NFATC2: variants seen among roughly 807,000 people sequenced by gnomAD.
NFATC2 encodes the protein nuclear factor of activated T-cells, cytoplasmic 2.
A neutral mutation model predicts 87.3 loss-of-function variants in NFATC2; 22 were observed. That is an observed-to-expected ratio of 0.25 (90% CI 0.18 to 0.36). NFATC2 has a LOEUF of 0.36. Ranked by LOEUF, NFATC2 falls within the 10% of genes least tolerant of loss-of-function variation. The probability of loss-of-function intolerance (pLI) is 1.00; values close to 1 mark genes in which losing one functional copy is unlikely to be tolerated. For synonymous variants in NFATC2, 565 were observed against 542.2 expected (o/e 1.04, Z -0.58); for missense variants, 1,149 against 1,259.1 (o/e 0.91, Z 1.32).
rs1218648681 is a variant in NFATC2, at chr20:51,499,174, G to A, written c.1332+17610C>T. ...TCAGAATGGGGGTGGTGTAGACCAA[G>A]GTACACTCTGAACAGATCCTCTGGC... On this transcript the variant is annotated intron_variant, in intron 3 of 10. Transcript: ENST00000371564. Among the ~76,000 whole-genome samples, 3 of 152,170 alleles carry A rather than the reference G, an allele frequency of 2.0e-5. 1 individual carries two copies. The highest frequency in any genetic ancestry group is 4.1e-4 in the South Asian group (2 of 4,830).
chr20:51,431,215 A>G (rs1982654891), intron 9 of NFATC2, among the ~76,000 whole-genome samples: 1 of 152,064 alleles, frequency 6.6e-6, no homozygotes, highest in Non-Finnish European at 1.5e-5. Context: ...CCAACAGCCT[A>G]TTTTTCTGTC....
At chr20:51,498,116 C>G (rs981913562) in intron 3 of NFATC2, among the ~76,000 whole-genome samples, 1 of 152,158 alleles carries the variant, frequency 6.6e-6, no homozygotes, top group Non-Finnish European at 1.5e-5. Context: ...GGCCGGGAAG[C>G]TTGGGCATGT....
At chr20:51,397,131 C>T (rs913827270) in intron 10 of NFATC2, among the ~76,000 whole-genome samples, 4 of 152,146 alleles carry the variant, frequency 2.6e-5, no homozygotes, top group Admixed American at 1.3e-4. Context: ...GACCTTGCCT[C>T]GGCCTCCCAA....
At chr20:51,442,260 C>T (rs553591789) in intron 6 of NFATC2, among the ~76,000 whole-genome samples, 3 of 152,118 alleles carry the variant, frequency 2.0e-5, no homozygotes, top group East Asian at 3.9e-4. Flanking sequence ...GCTGAAATCC[C>T]GTCTCTACTA....
chr20:51,465,318 T>C (rs1159511375), intron 5 of NFATC2, among the ~76,000 whole-genome samples: 2 of 152,176 alleles, frequency 1.3e-5, no homozygotes, highest in Non-Finnish European at 2.9e-5. Flanking sequence ...AGACAGAGGC[T>C]GCAGTGAGCC....
intron 6 of NFATC2, among the ~76,000 whole-genome samples, chr20:51,445,583 C>T (rs1185090586): frequency 2.0e-5 from 3 of 152,208 alleles, no homozygotes; most frequent in Non-Finnish European, 4.4e-5. Context: ...GTTTGGGATT[C>T]AAATTTGACT....
At chr20:51,444,334 C>A (rs1164433794) in intron 6 of NFATC2, among the ~76,000 whole-genome samples, 1 of 151,506 alleles carries the variant, frequency 6.6e-6, no homozygotes, top group Non-Finnish European at 1.5e-5. Context: ...CAGAAGAAAA[C>A]CCCTACTAGA....
intron 5 of NFATC2, among the ~76,000 whole-genome samples, chr20:51,457,587 C>CTT (rs879432451): frequency 4.0e-4 from 44 of 108,838 alleles, no homozygotes; most frequent in African/African-American, 1.3e-3. Flanking sequence ...TGAAGGAAAA[C>CTT]TTTTTTTTTT....
intron 1 of NFATC2, among the ~76,000 whole-genome samples, chr20:51,551,897 G>A (rs1438522811): frequency 6.6e-6 from 1 of 151,878 alleles, no homozygotes; most frequent in Non-Finnish European, 1.5e-5. Flanking sequence ...TGTGGTGGCG[G>A]GTGCCTGTAG....
rs1185687428 is a variant in NFATC2, at chr20:51,542,526, G to T, written c.-27C>A. On this transcript the variant is annotated 5_prime_UTR_variant, in exon 1 of 11. Transcript: ENST00000371564. The stretch of plus-strand genomic sequence containing the variant: ...GCGCGCAGGGCGGGAAGGCTGCGGG[G>T]CCGGGGGCGAGGGCGGGCGCGGCTG... The T allele has an allele frequency of 7.3e-7, 1 of 1,376,874 alleles. No homozygotes were observed. The highest frequency in any genetic ancestry group is 1.8e-5 in the South Asian group (1 of 54,056). 85.3% of individuals were successfully genotyped at this position (1,376,874 alleles called of 1,614,324 possible). A position where few individuals can be genotyped will look rare whatever the true frequency, so the allele number is the denominator to read the frequency against.
chr20:51,456,404 C>G (rs940556327), intron 5 of NFATC2, among the ~76,000 whole-genome samples: 7 of 152,154 alleles, frequency 4.6e-5, no homozygotes, highest in Non-Finnish European at 8.8e-5. Context: ...GGCCAAGGAT[C>G]CATGGTGAAG....
intron 3 of NFATC2, among the ~76,000 whole-genome samples, chr20:51,497,783 C>G (rs867169417): frequency 6.6e-6 from 1 of 152,128 alleles, no homozygotes; most frequent in African/African-American, 2.4e-5. Flanking sequence ...ACACAATAAA[C>G]AAGCCTGCTG....
intron 3 of NFATC2, among the ~76,000 whole-genome samples, chr20:51,503,922 C>T (rs916729466): frequency 1.3e-5 from 2 of 152,236 alleles, no homozygotes; most frequent in Admixed American, 1.3e-4. Flanking sequence ...TGGCTCACTG[C>T]AGCCTCTGCC....
At chr20:51,529,014 A>G (rs1257270392) in intron 1 of NFATC2, among the ~76,000 whole-genome samples, 1 of 152,144 alleles carries the variant, frequency 6.6e-6, no homozygotes, top group Non-Finnish European at 1.5e-5. Context: ...TCGCACATAC[A>G]CACACACACG....
chr20:51,464,183 G>A (rs1301110862), intron 5 of NFATC2, among the ~76,000 whole-genome samples: 3 of 152,182 alleles, frequency 2.0e-5, no homozygotes, highest in South Asian at 2.1e-4. Context: ...CTGCTTTACA[G>A]AACTACGGGA....
intron 1 of NFATC2, among the ~76,000 whole-genome samples, chr20:51,561,324 T>TA (rs10656009): frequency 0.25 from 9,314 of 36,814 alleles, 667 homozygotes; most frequent in Middle Eastern, 0.35. Context: ...TCAATCTAGT[T>TA]AAAAAAAAAA....
chr20:51,541,004 T>C (rs369782600), intron 1 of NFATC2, among the ~76,000 whole-genome samples: 6 of 152,236 alleles, frequency 3.9e-5, no homozygotes, highest in African/African-American at 1.4e-4. Context: ...AGAAGACTGG[T>C]CTCTTCTGTT....
At position 51,434,150 on chromosome 20, in the gene NFATC2, G is replaced by A. The variant is rs187948929; in HGVS notation, c.2032+1038C>T. Among the ~76,000 whole-genome samples, 15 of 152,122 alleles carry A rather than the reference G, an allele frequency of 9.9e-5. No individual in the cohort carries two copies. In the East Asian group the frequency reaches 2.3e-3, roughly 24 times the overall value. The stretch of plus-strand genomic sequence containing the variant: ...CCCAAGACAGCAGTGTCCTCACAAG[G>A]GTCAACACAAAACTGTGGGCACAAG... On this transcript the variant is annotated intron_variant, in intron 8 of 10. Coordinates refer to ENST00000371564, the MANE Select transcript of NFATC2 (RefSeq NM_012340.5).
At chr20:51,560,599 G>A (rs1421977044) in intron 1 of NFATC2, among the ~76,000 whole-genome samples, 2 of 152,220 alleles carry the variant, frequency 1.3e-5, no homozygotes, top group Non-Finnish European at 2.9e-5. Flanking sequence ...CATAGTGGGA[G>A]CATTTGGATC....
Sources: allele counts gnomAD v4.1 joint callset (sites outside exome capture counted in the v4.1 genomes callset), GRCh38; gene constraint gnomAD v4.1.1; transcripts MANE v1.5; gene names NCBI Gene and HGNC (gene_info 2026-07-23, HGNC 2026-07-21).